CRADD: variants seen among roughly 807,000 people sequenced by gnomAD.
The protein encoded by CRADD is CARD and death domain containing adaptor protein, also known as death domain-containing protein CRADD.
A neutral mutation model predicts 15.5 loss-of-function variants in CRADD; 9 were observed. The ratio of observed to expected loss-of-function variants is 0.58; its 90% CI spans 0.35 to 1.01. The LOEUF is 1.01. Among genes scored for constraint, CRADD ranks in the 50% least tolerant of loss-of-function variants. CRADD has a pLI of 0.02. For synonymous variants in CRADD, 118 were observed against 107.6 expected (o/e 1.10, Z -0.60); for missense variants, 227 against 250.3 (o/e 0.91, Z 0.63).
At chr12:93,865,362 G>A (rs981342042) in intron 2 of CRADD, among the ~76,000 whole-genome samples, 2 of 152,150 alleles carry the variant, frequency 1.3e-5, no homozygotes, top group African/African-American at 4.8e-5. Context: ...GGATGCTCAA[G>A]TCCCTGGTAT....
At chr12:93,691,486 T>G (rs1955572160) in intron 2 of CRADD, among the ~76,000 whole-genome samples, 1 of 152,154 alleles carries the variant, frequency 6.6e-6, no homozygotes, top group South Asian at 2.1e-4. Flanking sequence ...ACTCCTGACC[T>G]CAGGTGATCT....
At chr12:93,711,055 C>CCCCCCCCCCCTTTTTTTTTT in intron 2 of CRADD, among the ~76,000 whole-genome samples, 1 of 43,508 alleles carries the variant, frequency 2.3e-5, no homozygotes, top group African/African-American at 8.5e-5. Context: ...CCACCCCCGC[C>CCCCCCCCCCCTTTTTTTTTT]TTTTTTTTTT....
In CRADD at chr12:93,724,378, C is replaced by CA. The variant is rs58599421; in HGVS notation, c.298+45324dup. 4.8e-3 allele frequency among the ~76,000 whole-genome samples: 628 copies of CA among 131,986 alleles called. 3 individuals are homozygous for CA. Among genetic ancestry groups the CA allele is most frequent in the African/African-American group, 0.014 (482 of 35,482 alleles). 86.6% of individuals were successfully genotyped at this position (131,986 alleles called of 152,430 possible). A position where few individuals can be genotyped will look rare whatever the true frequency, so the allele number is the denominator to read the frequency against. On this transcript the variant is annotated intron_variant, in intron 2 of 2. Transcript: ENST00000332896. ...TGGGTGACAGAGCCAGACCCTGTCT[C>CA]AAAAAAAAAAAAAAAAAATTTCTGC...
intron 2 of CRADD, among the ~76,000 whole-genome samples, chr12:93,885,176 T>G (rs1330427169): frequency 6.6e-6 from 1 of 152,198 alleles, no homozygotes. Flanking sequence ...AAACCATGAC[T>G]GAAAATCCCA....
intron 2 of CRADD, among the ~76,000 whole-genome samples, chr12:93,789,577 C>T (rs1336468329): frequency 6.6e-6 from 1 of 152,080 alleles, no homozygotes; most frequent in Non-Finnish European, 1.5e-5. Context: ...TCAGTGTTTG[C>T]TGGAGATGAG....
At chr12:93,842,742 A>G (rs1035234010) in intron 2 of CRADD, among the ~76,000 whole-genome samples, 4 of 129,002 alleles carry the variant, frequency 3.1e-5, no homozygotes, top group East Asian at 2.5e-4. Flanking sequence ...GGAGAATGCT[A>G]TGTTGTTTTC....
intron 2 of CRADD, among the ~76,000 whole-genome samples, chr12:93,868,686 G>GCACACACACACACACACA (rs570970896): frequency 1.5e-4 from 21 of 142,916 alleles, no homozygotes; most frequent in African/African-American, 5.4e-4. Context: ...TCTCTCTCTT[G>GCACACACACACACACACA]CACACACACA....
Position 93,678,823 on chromosome 12 carries a change from G to C in CRADD, c.49G>C (p.Gly17Arg), listed in dbSNP as rs563271902. 1 of 1,614,156 alleles carries C rather than the reference G, an allele frequency of 6.2e-7. No individual in the cohort carries two copies. The highest frequency in any genetic ancestry group is 1.7e-5 in the Admixed American group (1 of 60,032). Residue 17 changes from glycine to arginine, a missense_variant, in exon 2 of 3, where the codon GGT (glycine) becomes CGT (arginine). Gly to Arg is a moderately radical substitution (Grantham distance 125). Coordinates refer to ENST00000332896, the MANE Select transcript of CRADD (RefSeq NM_003805.5). Reference protein sequence around the residue: ...QVLRSLRLELGAEVLVEGLVL... With the variant: ...QVLRSLRLELRAEVLVEGLVL... ...ACTCCGCTCACTTCGCCTGGAGCTG[G>C]GTGCAGAGGTATTGGTGGAGGGACT...
At chr12:93,787,352 A>G (rs993131895) in intron 2 of CRADD, among the ~76,000 whole-genome samples, 2 of 142,960 alleles carry the variant, frequency 1.4e-5, no homozygotes, top group Non-Finnish European at 3.0e-5. Flanking sequence ...AACTGATTGT[A>G]GAGAAAAAGA....
intron 2 of CRADD, among the ~76,000 whole-genome samples, chr12:93,835,584 A>G (rs1335567285): frequency 6.6e-6 from 1 of 151,818 alleles, no homozygotes; most frequent in Admixed American, 6.6e-5. Flanking sequence ...GATGGATTAT[A>G]TTTTTTCTCC....
intron 2 of CRADD, among the ~76,000 whole-genome samples, chr12:93,796,178 A>G (rs1957415193): frequency 6.6e-6 from 1 of 152,172 alleles, no homozygotes. Context: ...TCTTAAGGGA[A>G]CACTTTATAT....
At chr12:93,702,043 G>A (rs1056840230) in intron 2 of CRADD, among the ~76,000 whole-genome samples, 5 of 151,442 alleles carry the variant, frequency 3.3e-5, no homozygotes, top group African/African-American at 4.9e-5. Context: ...CTTATCTAAC[G>A]CTTCCCTAGC....
At chr12:93,688,454 G>A (rs1757911498) in intron 2 of CRADD, among the ~76,000 whole-genome samples, 1 of 149,090 alleles carries the variant, frequency 6.7e-6, no homozygotes, top group Non-Finnish European at 1.5e-5. Context: ...AATGAGTCGA[G>A]AGCACACTCC....
chr12:93,851,284 AGGGTGAATGAGG>A (rs2137051489), downstream of CRADD, among the ~76,000 whole-genome samples: 1 of 152,312 alleles, frequency 6.6e-6, no homozygotes, highest in Admixed American at 6.5e-5. Context: ...TGATTGGCCC[AGGGTGAATGAGG>A]TTGGGTGCCG....
Position 93,687,246 on chromosome 12 carries a change from A to T in CRADD, c.298+8174A>T, listed in dbSNP as rs184860424. On this transcript the variant is annotated intron_variant, in intron 2 of 2. Coordinates refer to ENST00000332896, the MANE Select transcript of CRADD (RefSeq NM_003805.5). ...AGATGCCTCCATTTCACTTTAAAAC[A>T]TGGATTTGGTATTCTTTTCACTTAG... Among the ~76,000 whole-genome samples the T allele has an allele frequency of 1.5e-4, 23 of 152,312 alleles. No individual in the cohort carries two copies. The East Asian group carries it at 3.3e-3, about 22-fold the overall frequency.
chr12:93,867,200 C>T (rs920552026), intron 2 of CRADD, among the ~76,000 whole-genome samples: 4 of 151,880 alleles, frequency 2.6e-5, no homozygotes, highest in Non-Finnish European at 4.4e-5. Flanking sequence ...CATAGCTGTC[C>T]TAGACCTGCT....
intron 2 of CRADD, among the ~76,000 whole-genome samples, chr12:93,728,752 TCAA>T (rs1306917252): frequency 6.6e-6 from 1 of 152,038 alleles, no homozygotes; most frequent in African/African-American, 2.4e-5. Flanking sequence ...GCAAAAATCA[TCAA>T]CAATATATTA....
At chr12:93,809,905 A>G (rs145440662) in intron 2 of CRADD, among the ~76,000 whole-genome samples, 1 of 152,280 alleles carries the variant, frequency 6.6e-6, no homozygotes, top group Non-Finnish European at 1.5e-5. Flanking sequence ...GTTCTCCTTG[A>G]TAGAAATCTA....
intron 2 of CRADD, among the ~76,000 whole-genome samples, chr12:93,838,828 G>T (rs1457678776): frequency 6.6e-6 from 1 of 151,750 alleles, no homozygotes; most frequent in East Asian, 1.9e-4. Flanking sequence ...ACACAATCAG[G>T]GTTCACTGCA....
Sources: allele counts gnomAD v4.1 joint callset (sites outside exome capture counted in the v4.1 genomes callset), GRCh38; gene constraint gnomAD v4.1.1; transcripts MANE v1.5; gene names NCBI Gene and HGNC (gene_info 2026-07-23, HGNC 2026-07-21).